MED21: variants seen among roughly 807,000 people sequenced by gnomAD.
The protein encoded by MED21 is mediator of RNA polymerase II transcription subunit 21.
A neutral mutation model predicts 18.2 loss-of-function variants in MED21; 9 were observed. The observed-to-expected ratio is 0.49, with a 90% CI of 0.30 to 0.86. The LOEUF (loss-of-function observed/expected upper bound fraction) is 0.86. Ranked by LOEUF, MED21 falls within the 40% of genes least tolerant of loss-of-function variation. MED21 has a pLI of 0.07. For missense variants in MED21, 150 were observed against 170.9 expected, an observed-to-expected ratio of 0.88 and a Z score of 0.68; for synonymous variants, 73 against 60.5, an observed-to-expected ratio of 1.21 and a Z score of -0.96.
chr12:27,023,917 A>G (rs1168489536), intron 1 of MED21, among the ~76,000 whole-genome samples: 2 of 152,228 alleles, frequency 1.3e-5, no homozygotes, highest in African/African-American at 2.4e-5. Flanking sequence ...ACTGCACATA[A>G]TTGTATGTGC....
At chr12:27,026,960 G>A (rs1010849933) in intron 2 of MED21, among the ~76,000 whole-genome samples, 1 of 151,648 alleles carries the variant, frequency 6.6e-6, no homozygotes, top group Non-Finnish European at 1.5e-5. Flanking sequence ...ACGGAGTCTC[G>A]CTCTGTCACC....
At chr12:27,034,629 TG>T (rs1238681537), downstream of MED21, among the ~76,000 whole-genome samples, 3 of 151,970 alleles carry the variant, frequency 2.0e-5, no homozygotes, top group Non-Finnish European at 2.9e-5. Flanking sequence ...TTAGTAGAGA[TG>T]GGGTTTTGCA....
intron 2 of MED21, among the ~76,000 whole-genome samples, chr12:27,036,583 A>C (rs1419477949): frequency 6.6e-6 from 1 of 152,226 alleles, no homozygotes; most frequent in Non-Finnish European, 1.5e-5. Flanking sequence ...TCTAACGTTT[A>C]AGTCTTTAAT....
chr12:27,029,062 T>C lies in MED21; in HGVS notation c.*601T>C. 1.0e-6 allele frequency: 1 copy of C among 985,454 alleles called. No homozygotes were observed. Among genetic ancestry groups the C allele is most frequent in the Non-Finnish European group, 1.2e-6 (1 of 829,908 alleles). 61.0% of individuals were successfully genotyped at this position (985,454 alleles called of 1,614,324 possible). A position where few individuals can be genotyped will look rare whatever the true frequency, so the allele number is the denominator to read the frequency against. ...CCACGTTTATTTTACCAAGAGATCC[T>C]CTGTCAAGAGAATTTCCTGGCTGTT... On this transcript the variant is annotated 3_prime_UTR_variant, in exon 4 of 4. Transcript: ENST00000282892.
At chr12:27,038,589 T>C (rs1941663068) in intron 2 of MED21, 3 of 152,306 alleles carry the variant, frequency 2.0e-5, no homozygotes, top group South Asian at 4.1e-4. Context: ...GATAACAGAA[T>C]GGCAAAACTT....
chr12:27,022,973 G>C, intron 1 of MED21: 1 of 1,069,744 alleles, frequency 9.3e-7, no homozygotes, highest in Non-Finnish European at 1.2e-6. Context: ...TTCTTTTGGG[G>C]GTTGGGAGGA....
At position 27,029,183 on chromosome 12, in the gene MED21, GT is replaced by G. The variant is rs1277003831; in HGVS notation, c.*728del. 1.0e-6 allele frequency: 1 copy of G among 985,290 alleles called. No homozygotes were observed. The highest frequency in any genetic ancestry group is 1.2e-6 in the Non-Finnish European group (1 of 829,864). The allele number at this position is 985,290 out of a possible 1,614,324, so 61.0% of individuals were successfully genotyped here. On this transcript the variant is annotated 3_prime_UTR_variant, in exon 4 of 4. Coordinates refer to ENST00000282892, the MANE Select transcript of MED21 (RefSeq NM_004264.5). Reference sequence around the variant, plus strand: ...TTTGCTTGTCATCACAATGAAGTATGTTTTTTGAATCATCAATTCTTTCTCA... The same window carrying G: ...TTTGCTTGTCATCACAATGAAGTATGTTTTTGAATCATCAATTCTTTCTCA...
intron 2 of MED21, chr12:27,038,601 C>G (rs1338328100): frequency 6.6e-6 from 1 of 152,126 alleles, no homozygotes; most frequent in Non-Finnish European, 1.5e-5. Flanking sequence ...GCAAAACTTG[C>G]TTTAATAATT....
chr12:27,031,870 TGTA>T (rs1941621613), downstream of MED21, among the ~76,000 whole-genome samples: 1 of 152,104 alleles, frequency 6.6e-6, no homozygotes. Flanking sequence ...ATGAGGTTAT[TGTA>T]GTGCCAGTTA....
chr12:27,031,434 A>G (rs1054547665), downstream of MED21, among the ~76,000 whole-genome samples: 1 of 152,216 alleles, frequency 6.6e-6, no homozygotes, highest in African/African-American at 2.4e-5. Context: ...CTGTATACCA[A>G]GGAAGGGTAT....
At chr12:27,027,260 A>G (rs1941558099) in intron 2 of MED21, 87 bp from the exon 3 acceptor site, 4 of 859,602 alleles carry the variant, frequency 4.7e-6, no homozygotes, top group Non-Finnish European at 3.7e-6. Context: ...AAAAAGCTAT[A>G]TGAAGTTTCT....
downstream of MED21, among the ~76,000 whole-genome samples, chr12:27,030,939 T>C (rs753232517): frequency 7.2e-5 from 11 of 152,208 alleles, no homozygotes; most frequent in Non-Finnish European, 1.0e-4. Context: ...AGATGGAGTT[T>C]CACTCTTGTC....
At chr12:27,036,030 G>T (rs1459705834) in intron 2 of MED21, among the ~76,000 whole-genome samples, 1 of 152,154 alleles carries the variant, frequency 6.6e-6, no homozygotes, top group Non-Finnish European at 1.5e-5. Context: ...TTCCACAATG[G>T]TTAAACTAGT....
At chr12:27,031,537 C>T (rs1295209045), downstream of MED21, among the ~76,000 whole-genome samples, 1 of 152,018 alleles carries the variant, frequency 6.6e-6, no homozygotes, top group Non-Finnish European at 1.5e-5. Flanking sequence ...TAACTTTTAC[C>T]ATAGACTGTC....
At position 27,030,373 on chromosome 12, in the gene MED21, T is replaced by G. The variant is rs2136491993; in HGVS notation, c.*1912T>G. On this transcript the variant is annotated 3_prime_UTR_variant, in exon 4 of 4. Coordinates refer to ENST00000282892, the MANE Select transcript of MED21 (RefSeq NM_004264.5). ...TAATGCCAAACTGCTAACCTCAAGATATTAATACTATACAGTAGACTATAA... is the reference window on the plus strand; with the variant it reads ...TAATGCCAAACTGCTAACCTCAAGAGATTAATACTATACAGTAGACTATAA... The G allele has an allele frequency of 2.3e-6, 1 of 427,114 alleles. No individual in the cohort carries two copies. The allele number at this position is 427,114 out of a possible 1,614,324, so 26.5% of individuals were successfully genotyped here.
In MED21 at chr12:27,028,753, T is replaced by C. The variant is rs1428054932; in HGVS notation, c.*292T>C. The C allele has an allele frequency of 2.1e-5, 22 of 1,043,032 alleles. No homozygotes were observed. Among genetic ancestry groups the C allele is most frequent in the Non-Finnish European group, 2.3e-5 (20 of 864,156 alleles). The allele number at this position is 1,043,032 out of a possible 1,614,324, so 64.6% of individuals were successfully genotyped here. ...AGGAAACATATGTAAAATTCTGTTA[T>C]GACATAATTTATGTCTCCATTTTGT... On this transcript the variant is annotated 3_prime_UTR_variant, in exon 4 of 4. Coordinates refer to ENST00000282892, the MANE Select transcript of MED21 (RefSeq NM_004264.5).
At chr12:27,024,708 T>G (rs964530428) in intron 1 of MED21, among the ~76,000 whole-genome samples, 1 of 152,206 alleles carries the variant, frequency 6.6e-6, no homozygotes, top group Non-Finnish European at 1.5e-5. Context: ...TTAGGATAAC[T>G]AGTATGAGTG....
At chr12:27,031,215 A>G (rs917600071), downstream of MED21, among the ~76,000 whole-genome samples, 6 of 152,204 alleles carry the variant, frequency 3.9e-5, no homozygotes, top group African/African-American at 1.2e-4. Context: ...CCAGGAGCCA[A>G]TTTCAATGGG....
At chr12:27,030,733 G>C (rs1941610481), downstream of MED21, 1 of 152,116 alleles carries the variant, frequency 6.6e-6, no homozygotes, top group Non-Finnish European at 1.5e-5. Flanking sequence ...CTCTATTTCA[G>C]TTCTAGGGGC....
Sources: allele counts gnomAD v4.1 joint callset (sites outside exome capture counted in the v4.1 genomes callset), GRCh38; gene constraint gnomAD v4.1.1; transcripts MANE v1.5; gene names NCBI Gene and HGNC (gene_info 2026-07-23, HGNC 2026-07-21).